Variants in CTNNA2 observed in about 807,000 individuals in gnomAD.
CTNNA2 encodes the protein catenin alpha-2.
A neutral mutation model predicts 101.0 loss-of-function variants in CTNNA2; 42 were observed. That is an observed-to-expected ratio of 0.42 (90% CI 0.32 to 0.54). The LOEUF (loss-of-function observed/expected upper bound fraction) is 0.54. CTNNA2 is among the 20% of genes least tolerant of loss of function. CTNNA2 has a pLI of 0.14. For synonymous variants in CTNNA2, 450 were observed against 456.4 expected (o/e 0.99, Z 0.18); for missense variants, 871 against 1,223.1 (o/e 0.71, Z 4.29).
intron 7 of CTNNA2, among the ~76,000 whole-genome samples, chr2:80,333,501 G>T (rs75795263): frequency 6.6e-6 from 1 of 152,186 alleles, no homozygotes; most frequent in Non-Finnish European, 1.5e-5. Context: ...TGACACATTC[G>T]TATAAGAGGA....
At chr2:79,488,810 C>T (rs1671182288) in intron 4 of CTNNA2, among the ~76,000 whole-genome samples, 1 of 152,178 alleles carries the variant, frequency 6.6e-6, no homozygotes, top group East Asian at 1.9e-4. Flanking sequence ...CCTCAGAAAG[C>T]CTCTCCTGTC....
intron 9 of CTNNA2, among the ~76,000 whole-genome samples, chr2:80,461,269 C>G (rs1043968402): frequency 1.3e-5 from 2 of 152,142 alleles, no homozygotes; most frequent in Non-Finnish European, 2.9e-5. Flanking sequence ...TCCCCCATGC[C>G]TGACATGATG....
chr2:80,442,955 A>G (rs1322625538), intron 9 of CTNNA2, among the ~76,000 whole-genome samples: 1 of 152,132 alleles, frequency 6.6e-6, no homozygotes, highest in Non-Finnish European at 1.5e-5. Flanking sequence ...CTAAATACCC[A>G]CCAGAGTCTA....
chr2:80,012,093 G>A (rs378633), intron 7 of CTNNA2, among the ~76,000 whole-genome samples: 83,392 of 151,920 alleles, frequency 0.55, 25,112 homozygotes, highest in East Asian at 0.76. Context: ...AGTGATTTGA[G>A]ACCAGTCTCC....
chr2:79,483,847 T>C (rs1671132723), intron 4 of CTNNA2, among the ~76,000 whole-genome samples: 1 of 152,248 alleles, frequency 6.6e-6, no homozygotes, highest in South Asian at 2.1e-4. Context: ...ATTTTTGCAA[T>C]TGTGAATTAT....
chr2:79,568,776 C>G (rs1675275000), intron 1 of CTNNA2, among the ~76,000 whole-genome samples: 1 of 144,516 alleles, frequency 6.9e-6, no homozygotes, highest in African/African-American at 2.6e-5. Context: ...AATCCCAGCA[C>G]TTTGGGAGGC....
chr2:79,444,328 A>T (rs751549042), intron 4 of CTNNA2, among the ~76,000 whole-genome samples: 38 of 152,160 alleles, frequency 2.5e-4, no homozygotes, highest in Non-Finnish European at 5.0e-4. Context: ...AAGAATACAA[A>T]TATTCTATAG....
intron 1 of CTNNA2, among the ~76,000 whole-genome samples, chr2:79,629,451 T>A (rs1476911531): frequency 1.3e-5 from 2 of 152,194 alleles, no homozygotes; most frequent in African/African-American, 2.4e-5. Context: ...TTTTAAAAAT[T>A]CTGAGCAGTT....
chr2:79,794,965 T>C (rs147040590), intron 3 of CTNNA2, among the ~76,000 whole-genome samples: 1,847 of 152,308 alleles, frequency 0.012, 14 homozygotes, highest in Middle Eastern at 0.041. Context: ...CCCAGGACAA[T>C]AGTACAACTG....
chr2:79,489,054 A>G (rs141236615), intron 4 of CTNNA2, among the ~76,000 whole-genome samples: 197 of 152,194 alleles, frequency 1.3e-3, no homozygotes, highest in Non-Finnish European at 2.4e-3. Flanking sequence ...ATCGACTTCC[A>G]TGGCACTTTC....
intron 15 of CTNNA2, among the ~76,000 whole-genome samples, chr2:80,589,906 G>GCA (rs1553400694): frequency 7.3e-4 from 107 of 146,142 alleles, no homozygotes; most frequent in African/African-American, 2.5e-3. Context: ...GTGTGTGTGT[G>GCA]CGCGCGCGCG....
At chr2:80,004,059 GCTT>G (rs1693155696) in intron 7 of CTNNA2, among the ~76,000 whole-genome samples, 3 of 152,052 alleles carry the variant, frequency 2.0e-5, no homozygotes, top group Admixed American at 2.0e-4. Context: ...AGTAAGCCAG[GCTT>G]CTTTACTAAA....
intron 15 of CTNNA2, among the ~76,000 whole-genome samples, chr2:80,593,407 C>T (rs1460262035): frequency 1.3e-5 from 2 of 151,984 alleles, no homozygotes; most frequent in African/African-American, 2.4e-5. Flanking sequence ...CCCCACCTCA[C>T]ATTATCTAAA....
At chr2:80,546,182 C>T in intron 11 of CTNNA2, 119 bp downstream of exon 11, 1 of 1,224,314 alleles carries the variant, frequency 8.2e-7, no homozygotes, top group South Asian at 1.6e-5. Flanking sequence ...GATCTTTGAG[C>T]TTTTTTGATC....
intron 17 of CTNNA2, among the ~76,000 whole-genome samples, chr2:80,610,108 G>A (rs1270725334): frequency 6.6e-6 from 1 of 151,628 alleles, no homozygotes; most frequent in Non-Finnish European, 1.5e-5. Context: ...TTATTCTGAG[G>A]CAAATGCATT....
chr2:79,329,020 T>C (rs769916489), intron 3 of CTNNA2, among the ~76,000 whole-genome samples: 1 of 152,196 alleles, frequency 6.6e-6, no homozygotes, highest in Non-Finnish European at 1.5e-5. Context: ...CTTTCTCTAC[T>C]TATGAGGACA....
At chr2:79,661,421 G>A (rs1423314305) in intron 2 of CTNNA2, among the ~76,000 whole-genome samples, 3 of 152,162 alleles carry the variant, frequency 2.0e-5, no homozygotes, top group Non-Finnish European at 4.4e-5. Flanking sequence ...TTTAGTAGAA[G>A]ATAAAAGAGG....
intron 7 of CTNNA2, among the ~76,000 whole-genome samples, chr2:80,070,435 T>G (rs1209656240): frequency 6.6e-6 from 1 of 152,060 alleles, no homozygotes; most frequent in East Asian, 1.9e-4. Flanking sequence ...GAAGTTCAAA[T>G]TGGGCCTCAC....
chr2:80,089,460 C>G (rs1274428251), intron 7 of CTNNA2, among the ~76,000 whole-genome samples: 3 of 151,896 alleles, frequency 2.0e-5, no homozygotes, highest in African/African-American at 7.3e-5. Context: ...TGGGGGTTCT[C>G]TGGCCTGTAT....
Sources: allele counts gnomAD v4.1 joint callset (sites outside exome capture counted in the v4.1 genomes callset), GRCh38; gene constraint gnomAD v4.1.1; transcripts MANE v1.5; gene names NCBI Gene and HGNC (gene_info 2026-07-23, HGNC 2026-07-21).